The following BLOC1S1 variants were observed in gnomAD, a reference collection of about 807,000 sequenced individuals.
The protein encoded by BLOC1S1 is biogenesis of lysosomal organelles complex 1 subunit 1.
A neutral mutation model predicts 19.0 loss-of-function variants in BLOC1S1; 11 were observed. That is an observed-to-expected ratio of 0.58 (90% CI 0.37 to 0.96). The LOEUF (loss-of-function observed/expected upper bound fraction) is 0.96, where lower values mean the gene tolerates loss of function less well. Among genes scored for constraint, BLOC1S1 ranks in the 40% least tolerant of loss-of-function variants. The pLI, the probability that BLOC1S1 is intolerant of heterozygous loss-of-function variation, is 0.01. For missense variants in BLOC1S1, 220 were observed against 195.9 expected (o/e 1.12, Z -0.73); for synonymous variants, 94 against 76.4 (o/e 1.23, Z -1.20).
At chr12:55,719,372 A>C in intron 3 of BLOC1S1, 127 bp from the exon 4 acceptor site, 1 of 1,485,164 alleles carries the variant, frequency 6.7e-7, no homozygotes, top group Non-Finnish European at 9.3e-7. Context: ...TAGAGAAAGA[A>C]AGAAAAGCAG....
chr12:55,716,170 A>G lies in BLOC1S1; in HGVS notation c.119A>G (p.Lys40Arg). The G allele has an allele frequency of 6.2e-7, 1 of 1,612,374 alleles. No homozygotes were observed. ...LSRLLKEHQA[K>R]QNERKELQEK... ...CGCCTCCTAAAAGAACACCAGGCCAAGCAGAATGAACGCAAGGAGCTGCAG... is the reference window on the plus strand; with the variant it reads ...CGCCTCCTAAAAGAACACCAGGCCAGGCAGAATGAACGCAAGGAGCTGCAG... Residue 40 changes from lysine to arginine, a missense_variant, in exon 1 of 4, where the codon AAG becomes AGG. Physicochemically the swap from Lys to Arg is conservative, Grantham distance 26 (BLOSUM62 2). Coordinates refer to ENST00000548925, the MANE Select transcript of BLOC1S1 (RefSeq NM_001487.4).
chr12:55,716,636 G>T, intron 1 of BLOC1S1: 2 of 1,249,782 alleles, frequency 1.6e-6, no homozygotes, highest in East Asian at 4.1e-5. Flanking sequence ...CGGAGTTACC[G>T]ATTCTGCGGC....
intron 2 of BLOC1S1, 26 bp downstream of exon 2, chr12:55,717,031 T>G: frequency 6.5e-7 from 1 of 1,548,348 alleles, no homozygotes. Flanking sequence ...CAACATCAGT[T>G]TCCTCCTTCC....
chr12:55,717,014 C>T lies in BLOC1S1; in HGVS notation c.218+9C>T, dbSNP rs1470898259. 5 of 1,568,196 alleles carry T rather than the reference C, an allele frequency of 3.2e-6. No homozygotes were observed. In the South Asian group the frequency reaches 5.9e-5, roughly 19 times the overall value. The stretch of plus-strand genomic sequence containing the variant: ...GATCACCTCAATGTGGGGTATGGAC[C>T]TCTTATCAACATCAGTTTCCTCCTT... On this transcript the variant is annotated intron_variant, in intron 2 of 3. Transcript: ENST00000548925.
At chr12:55,717,833 C>T (rs1384188049) in intron 2 of BLOC1S1, among the ~76,000 whole-genome samples, 2 of 152,194 alleles carry the variant, frequency 1.3e-5, no homozygotes, top group Non-Finnish European at 2.9e-5. Flanking sequence ...GCTCTCTTTA[C>T]TCAGTGTGAA....
intron 3 of BLOC1S1, 102 bp downstream of exon 3, chr12:55,719,325 C>T: frequency 1.3e-6 from 2 of 1,573,330 alleles, no homozygotes; most frequent in Non-Finnish European, 8.7e-7. Context: ...TAGGGTGGTC[C>T]CAGAAACCCC....
At position 55,719,419 on chromosome 12, in the gene BLOC1S1, A is replaced by G. The variant is rs1876805626; in HGVS notation, c.352-80A>G. On this transcript the variant is annotated intron_variant, in intron 3 of 3. Transcript: ENST00000548925. ...AAGTAAAGCCTTTTCCAGGAGATGA[A>G]TAAAACGTATTCCCCAGACTGGAAG... 3 of 1,475,360 alleles carry G rather than the reference A, an allele frequency of 2.0e-6. No homozygotes were observed. The African/African-American group carries it at 4.2e-5, about 21-fold the overall frequency. The allele number at this position is 1,475,360 out of a possible 1,614,324, so 91.4% of individuals were successfully genotyped here.
chr12:55,716,813 C>G, intron 1 of BLOC1S1, 120 bp from the exon 2 acceptor site: 1 of 1,275,696 alleles, frequency 7.8e-7, no homozygotes, highest in Non-Finnish European at 1.1e-6. Context: ...CTCCGGCATT[C>G]AGAGATTAGT....
At position 55,719,585 on chromosome 12, in the gene BLOC1S1, G is replaced by A. The variant is rs570974758; in HGVS notation, c.438G>A (p.Gly146=). ...CTGCACTGGAATATGTCTACAAAGG[G>A]CAGCTGCAGTCTGCCCCTTCCTAGC... ...IATALEYVYK[G]QLQSAPS is the part of the protein sequence containing the mutation. Residue 146 remains glycine (G), a synonymous_variant, in exon 4 of 4, where the codon GGG becomes GGA. Coordinates refer to ENST00000548925, the MANE Select transcript of BLOC1S1 (RefSeq NM_001487.4). 140 of 1,614,126 alleles carry A rather than the reference G, an allele frequency of 8.7e-5. 1 individual carries two copies. In the South Asian group the frequency reaches 1.4e-3, roughly 17 times the overall value.
intron 1 of BLOC1S1, 133 bp from the exon 2 acceptor site, chr12:55,716,800 C>G: frequency 7.9e-7 from 1 of 1,258,220 alleles, no homozygotes; most frequent in Non-Finnish European, 1.1e-6. Context: ...AGGTCCTTTT[C>G]AGCTCCGGCA....
At chr12:55,719,392 C>T in intron 3 of BLOC1S1, 107 bp from the exon 4 acceptor site, 1 of 1,435,152 alleles carries the variant, frequency 7.0e-7, no homozygotes, top group Non-Finnish European at 9.7e-7. Flanking sequence ...GTTGGTGGGT[C>T]CAAGTAAAGC....
At chr12:55,719,475 C>G in intron 3 of BLOC1S1, 24 bp from the exon 4 acceptor site, 1 of 1,606,022 alleles carries the variant, frequency 6.2e-7, no homozygotes, top group Non-Finnish European at 8.5e-7. Context: ...TTCCTGGGCT[C>G]CCACCTCCTC....
At position 55,716,924 on chromosome 12, in the gene BLOC1S1, T is replaced by C; in HGVS notation, c.146-9T>C. Reference sequence around the variant, plus strand: ...TCTCCCCTCCAATTCCTTTTCCCCCTCTCCCCAGAAAAGAGGAGGCGAGAG... The same window carrying C: ...TCTCCCCTCCAATTCCTTTTCCCCCCCTCCCCAGAAAAGAGGAGGCGAGAG... On this transcript the variant is annotated splice_polypyrimidine_tract_variant and intron_variant, in intron 1 of 3. Transcript: ENST00000548925. The C allele has an allele frequency of 6.3e-7, 1 of 1,579,264 alleles. No individual in the cohort carries two copies. The highest frequency in any genetic ancestry group is 8.6e-7 in the Non-Finnish European group (1 of 1,166,312).
chr12:55,719,107 A>G lies in BLOC1S1; in HGVS notation c.235A>G (p.Met79Val), dbSNP rs377155666. 40 of 1,613,872 alleles carry G rather than the reference A, an allele frequency of 2.5e-5. No homozygotes were observed. Among genetic ancestry groups the G allele is most frequent in the Non-Finnish European group, 7.6e-6 (9 of 1,180,006 alleles). Residue 79 changes from methionine to valine, a missense_variant, in exon 3 of 4, where the codon ATG becomes GTG. Coordinates refer to ENST00000548925, the MANE Select transcript of BLOC1S1 (RefSeq NM_001487.4). ...HLNVGVAQAY[M>V]NQRKLDHEVK... ...ACCCCCCAGTGTGGCCCAGGCCTAC[A>G]TGAACCAGAGAAAGCTGGACCATGA... is the stretch of plus-strand genomic sequence containing the variant.
rs933348517 is a variant in BLOC1S1 at position 55,716,055 on chromosome 12, G to C, written c.4G>C (p.Ala2Pro). 2.6e-6 allele frequency: 4 copies of C among 1,555,962 alleles called. No individual in the cohort carries two copies. In the African/African-American group the frequency reaches 5.5e-5, roughly 21 times the overall value. Residue 2 changes from alanine to proline, a missense_variant, in exon 1 of 4, where the codon GCC becomes CCC. Physicochemically the swap from Ala to Pro is conservative, Grantham distance 27. Coordinates refer to ENST00000548925, the MANE Select transcript of BLOC1S1 (RefSeq NM_001487.4). ...CGTGACACAGCGGTCACGTGACATG[G>C]CCCCGGGGAGCCGAGGTGAGCGTTC... The part of the protein sequence containing the change: M[A>P]PGSRGERSSF...
In BLOC1S1 at chr12:55,719,529, A is replaced by G; in HGVS notation, c.382A>G (p.Ser128Gly). ...TGGGGATGTGGAGAACTGGGCTCGG[A>G]GCATCGAGCTGGACATGCGCACCAT... is the stretch of plus-strand genomic sequence containing the variant. ...EIGDVENWAR[S>G]IELDMRTIAT... The change falls in exon 4 of 4, where the codon AGC becomes GGC. Residue 128 changes from serine to glycine, a missense_variant. Transcript: ENST00000548925. 6.2e-7 allele frequency: 1 copy of G among 1,614,108 alleles called. No individual in the cohort carries two copies. Among genetic ancestry groups the G allele is most frequent in the Non-Finnish European group, 8.5e-7 (1 of 1,180,024 alleles).
At position 55,719,188 on chromosome 12, in the gene BLOC1S1, A is replaced by G. The variant is rs755202948; in HGVS notation, c.316A>G (p.Ile106Val). Residue 106 changes from isoleucine (I) to valine (V), a missense_variant, in exon 3 of 4, where the codon ATC (isoleucine) becomes GTC (valine). By Grantham distance (29) the Ile-to-Val change is conservative. Coordinates refer to ENST00000548925, the MANE Select transcript of BLOC1S1 (RefSeq NM_001487.4). ...ATTTGCCAAGCAGACAGGCCAGTGGATCGGAATGGTGGAGAACTTCAACCA... is the reference window on the plus strand; with the variant it reads ...ATTTGCCAAGCAGACAGGCCAGTGGGTCGGAATGGTGGAGAACTTCAACCA... ...AQFAKQTGQWIGMVENFNQAL... is the reference protein window; with the variant it reads ...AQFAKQTGQWVGMVENFNQAL... 3 of 1,613,760 alleles carry G rather than the reference A, an allele frequency of 1.9e-6. No homozygotes were observed. The highest frequency in any genetic ancestry group is 3.3e-5 in the Admixed American group (2 of 59,962).
In BLOC1S1 at chr12:55,716,098, G is replaced by A. The variant is rs1308593892; in HGVS notation, c.47G>A (p.Arg16Lys). The change falls in exon 1 of 4, where the codon AGG becomes AAG. Residue 16 changes from arginine to lysine, a missense_variant. Coordinates refer to ENST00000548925, the MANE Select transcript of BLOC1S1 (RefSeq NM_001487.4). ...RGERSSFRSR[R>K]GPGVPSPQPD... ...GAGCGTTCCAGCTTCCGGAGCCGGAGGGGGCCCGGCGTACCCAGCCCCCAG... is the reference window on the plus strand; with the variant it reads ...GAGCGTTCCAGCTTCCGGAGCCGGAAGGGGCCCGGCGTACCCAGCCCCCAG... The A allele has an allele frequency of 1.9e-6, 3 of 1,596,318 alleles. No individual in the cohort carries two copies. Among genetic ancestry groups the A allele is most frequent in the Non-Finnish European group, 2.6e-6 (3 of 1,172,048 alleles).
chr12:55,716,091 A>AGCCGGAGGGGGCT lies in BLOC1S1; in HGVS notation c.52_53insTGCCGGAGGGGGC (p.Pro18LeufsTer30). On this transcript the variant is annotated frameshift_variant, in exon 1 of 4. Transcript: ENST00000548925. LOFTEE classifies it high-confidence loss of function. ...CCGAGGTGAGCGTTCCAGCTTCCGG[A>AGCCGGAGGGGGCT]GCCGGAGGGGGCCCGGCGTACCCAG... 6.3e-7 allele frequency: 1 copy of AGCCGGAGGGGGCT among 1,587,766 alleles called. No individual in the cohort carries two copies. The highest frequency in any genetic ancestry group is 1.1e-5 in the South Asian group (1 of 87,758).
Sources: gnomAD v4.1 joint callset for allele counts (sites outside exome capture counted in the v4.1 genomes callset) on GRCh38, gnomAD v4.1.1 for gene constraint, MANE v1.5 for transcripts, NCBI Gene and HGNC (gene_info 2026-07-23, HGNC 2026-07-21) for gene names.